OPCML: variants seen among roughly 807,000 people sequenced by gnomAD.
The protein encoded by OPCML is opioid-binding protein/cell adhesion molecule.
A neutral mutation model predicts 37.8 loss-of-function variants in OPCML; 13 were observed. The observed-to-expected ratio is 0.34, with a 90% CI of 0.22 to 0.55. The LOEUF is 0.55. Among genes scored for constraint, OPCML ranks in the 20% least tolerant of loss-of-function variants. OPCML has a pLI of 0.91. For synonymous variants in OPCML, 176 were observed against 168.8 expected, an observed-to-expected ratio of 1.04 and a Z score of -0.33; for missense variants, 341 against 435.6, an observed-to-expected ratio of 0.78 and a Z score of 1.93.
chr11:133,044,519 A>G (rs2136953018), intron 1 of OPCML, among the ~76,000 whole-genome samples: 1 of 152,322 alleles, frequency 6.6e-6, no homozygotes, highest in South Asian at 2.1e-4. Flanking sequence ...GGAAGAACCC[A>G]AAAAAGAGGC....
chr11:132,990,443 T>C (rs545744472), intron 1 of OPCML, among the ~76,000 whole-genome samples: 45 of 152,338 alleles, frequency 3.0e-4, no homozygotes, highest in Middle Eastern at 6.8e-3. Flanking sequence ...CACTTTACAT[T>C]TGTACAACAC....
At chr11:133,287,449 G>T in intron 1 of OPCML, among the ~76,000 whole-genome samples, 1 of 149,228 alleles carries the variant, frequency 6.7e-6, no homozygotes, top group Admixed American at 6.7e-5. Flanking sequence ...CCAGATTTTA[G>T]CTGTTTGATA....
At chr11:132,612,297 C>T (rs562006212) in intron 3 of OPCML, among the ~76,000 whole-genome samples, 19 of 152,160 alleles carry the variant, frequency 1.2e-4, no homozygotes, top group East Asian at 1.9e-4. Context: ...TTATTGTGAA[C>T]GCAATAATGA....
intron 1 of OPCML, chr11:133,067,748 G>C (rs77948281): frequency 1.3e-5 from 2 of 152,078 alleles, no homozygotes; most frequent in African/African-American, 4.8e-5. Flanking sequence ...CTATGCCATC[G>C]CCTCTCCCCC....
At position 132,442,645 on chromosome 11, in the gene OPCML, G is replaced by A. The variant is rs183079795; in HGVS notation, c.506-5286C>T. Among the ~76,000 whole-genome samples the A allele has an allele frequency of 1.2e-3, 178 of 152,302 alleles. 1 individual carries two copies. The highest frequency in any genetic ancestry group is 3.9e-3 in the African/African-American group (162 of 41,564). ...CACCTTGAATTGTAATTATCCCCAC[G>A]TGTCAAGGGCAGGGCCAGGTGGAAA... On this transcript the variant is annotated intron_variant, in intron 4 of 7. Transcript: ENST00000524381.
intron 2 of OPCML, among the ~76,000 whole-genome samples, chr11:132,662,971 C>T: frequency 6.6e-6 from 1 of 152,132 alleles, no homozygotes; most frequent in East Asian, 1.9e-4. Flanking sequence ...CTAGAAAATG[C>T]CTTTATGTTT....
At chr11:133,328,768 G>T (rs976897706) in intron 1 of OPCML, among the ~76,000 whole-genome samples, 1 of 152,106 alleles carries the variant, frequency 6.6e-6, no homozygotes, top group Non-Finnish European at 1.5e-5. Flanking sequence ...TTTGAAAACT[G>T]GCACAAGACA....
At chr11:132,516,494 C>T (rs951016926) in intron 4 of OPCML, among the ~76,000 whole-genome samples, 9 of 152,008 alleles carry the variant, frequency 5.9e-5, no homozygotes, top group African/African-American at 1.7e-4. Flanking sequence ...ACTTTTTGAT[C>T]GCCTGCAAAA....
chr11:132,833,725 G>A (rs1268854602), intron 2 of OPCML, among the ~76,000 whole-genome samples: 3 of 152,192 alleles, frequency 2.0e-5, no homozygotes, highest in African/African-American at 7.2e-5. Flanking sequence ...CAATAGCTAT[G>A]ATGTCACTAG....
chr11:132,903,756 A>G (rs916452522), intron 2 of OPCML, among the ~76,000 whole-genome samples: 1 of 152,222 alleles, frequency 6.6e-6, no homozygotes, highest in African/African-American at 2.4e-5. Context: ...ACAACAAAGC[A>G]GGAAACACCG....
intron 1 of OPCML, among the ~76,000 whole-genome samples, chr11:133,274,659 C>T (rs1941942273): frequency 6.6e-6 from 1 of 152,178 alleles, no homozygotes; most frequent in Non-Finnish European, 1.5e-5. Flanking sequence ...CGGTGCTGGG[C>T]TTGGGGAGGG....
At position 133,402,875 on chromosome 11, in the gene OPCML, GATGTA is replaced by G. The variant is rs150136816; in HGVS notation, c.61+129384_61+129388del. On this transcript the variant is annotated intron_variant, in intron 1 of 7. Coordinates refer to ENST00000524381, the MANE Select transcript of OPCML (RefSeq NM_001012393.5). ...TCGCCAAGGCCAAACCAAGGTAGGA[GATGTA>G]ATGATAAATCAGCCCAAGTGCTGAT... Among the ~76,000 whole-genome samples, 1,084 of 152,302 alleles carry G rather than the reference GATGTA, an allele frequency of 7.1e-3. 11 individuals carry two copies. Among genetic ancestry groups the G allele is most frequent in the African/African-American group, 0.024 (1,014 of 41,566 alleles).
chr11:132,554,061 G>C (rs1228589904), intron 3 of OPCML, among the ~76,000 whole-genome samples: 1 of 152,158 alleles, frequency 6.6e-6, no homozygotes, highest in Non-Finnish European at 1.5e-5. Context: ...CTGCCTGCCT[G>C]GAAATTCCTG....
At chr11:132,490,692 G>C (rs999490724) in intron 4 of OPCML, among the ~76,000 whole-genome samples, 2 of 151,804 alleles carry the variant, frequency 1.3e-5, no homozygotes, top group African/African-American at 4.8e-5. Context: ...GGTGGCGGGC[G>C]CCTGTGGTCC....
chr11:132,761,634 C>T (rs908334152), intron 2 of OPCML, among the ~76,000 whole-genome samples: 4 of 152,060 alleles, frequency 2.6e-5, no homozygotes, highest in Non-Finnish European at 5.9e-5. Context: ...ACGAAGTTCT[C>T]GTACTGTGTT....
chr11:132,568,475 G>C (rs534031442), intron 3 of OPCML, among the ~76,000 whole-genome samples: 1 of 152,180 alleles, frequency 6.6e-6, no homozygotes, highest in Non-Finnish European at 1.5e-5. Flanking sequence ...TACTGGATTA[G>C]GGTAGGTCCT....
intron 1 of OPCML, among the ~76,000 whole-genome samples, chr11:133,353,261 G>A (rs117242643): frequency 0.026 from 3,981 of 152,068 alleles, 77 homozygotes; most frequent in Non-Finnish European, 0.039. Context: ...CTGCCTCCCA[G>A]GTTCAAACAA....
intron 1 of OPCML, among the ~76,000 whole-genome samples, chr11:133,466,767 G>T (rs1257529832): frequency 6.6e-6 from 1 of 152,148 alleles, no homozygotes; most frequent in Non-Finnish European, 1.5e-5. Context: ...GTGACAAGAA[G>T]GTGGGAGTGA....
chr11:133,481,792 C>G (rs1480457975), intron 1 of OPCML, among the ~76,000 whole-genome samples: 1 of 152,080 alleles, frequency 6.6e-6, no homozygotes, highest in Non-Finnish European at 1.5e-5. Context: ...AACCTTTAAA[C>G]AAAACTAATG....
Sources: gnomAD v4.1 joint callset for allele counts (sites outside exome capture counted in the v4.1 genomes callset) on GRCh38, gnomAD v4.1.1 for gene constraint, MANE v1.5 for transcripts, NCBI Gene and HGNC (gene_info 2026-07-23, HGNC 2026-07-21) for gene names.